The following ADAM15 variants were observed in gnomAD, a reference collection of about 807,000 sequenced individuals.
The protein encoded by ADAM15 is disintegrin and metalloproteinase domain-containing protein 15.
ADAM15 carries 77 observed loss-of-function variants against 113.8 expected under a neutral mutation model. The observed-to-expected ratio is 0.68, with a 90% CI of 0.56 to 0.82. The LOEUF (loss-of-function observed/expected upper bound fraction) is 0.82, where lower values mean the gene tolerates loss of function less well. Among genes scored for constraint, ADAM15 ranks in the 40% least tolerant of loss-of-function variants. ADAM15 has a pLI of 0.00. For missense variants in ADAM15, 963 were observed against 1,120.1 expected (o/e 0.86, Z 2.00); for synonymous variants, 388 against 454.1 (o/e 0.85, Z 1.85).
At chr1:155,060,687 C>A in intron 18 of ADAM15, 76 bp from the exon 19 acceptor site, 1 of 1,490,678 alleles carries the variant, frequency 6.7e-7, no homozygotes, top group Non-Finnish European at 9.3e-7. Flanking sequence ...GGGTTAACCC[C>A]ACTCAGGGAT....
Position 155,054,147 on chromosome 1 carries a change from CAGG to C in ADAM15, c.343_345del (p.Glu115del). 2 of 1,614,004 alleles carry C rather than the reference CAGG, an allele frequency of 1.2e-6. No homozygotes were observed. Among genetic ancestry groups the C allele is most frequent in the Non-Finnish European group, 1.7e-6 (2 of 1,179,972 alleles). ...CAGCACTAATGTTGTTCCCATGCTGCAGGAGAACTGCTGCTACCAGGGAAGAGT... is the reference window on the plus strand; with the variant it reads ...CAGCACTAATGTTGTTCCCATGCTGCAGAACTGCTGCTACCAGGGAAGAGT... On this transcript the variant is annotated splice_acceptor_variant and coding_sequence_variant, in exon 5 of 23. Coordinates refer to ENST00000356955, the MANE Select transcript of ADAM15 (RefSeq NM_207197.3). LOFTEE classifies it high-confidence loss of function.
intron 2 of ADAM15, among the ~76,000 whole-genome samples, 194 bp downstream of exon 2, chr1:155,052,971 C>A (rs1300917618): frequency 6.6e-6 from 1 of 152,188 alleles, no homozygotes; most frequent in Non-Finnish European, 1.5e-5. Context: ...TCTGCACACA[C>A]GTGTATCTGT....
chr1:155,051,421 TG>T lies in ADAM15; in HGVS notation c.38del (p.Gly13AlafsTer14). The T allele has an allele frequency of 6.4e-7, 1 of 1,565,014 alleles. No individual in the cohort carries two copies. The highest frequency in any genetic ancestry group is 8.6e-7 in the Non-Finnish European group (1 of 1,160,900). ...RLALLWALGL[L>X]GAGSPLPSWP... is the part of the protein sequence containing the mutation. ...GCGCTGCTCTGGGCCCTGGGGCTCC[TG>T]GGCGCGGGCAGCCCTCTGCCTTCCT... On this transcript the variant is annotated frameshift_variant, in exon 1 of 23. Transcript: ENST00000356955. LOFTEE classifies it high-confidence loss of function.
intron 1 of ADAM15, chr1:155,052,353 T>C: frequency 1.4e-6 from 1 of 720,734 alleles, no homozygotes; most frequent in Non-Finnish European, 2.2e-6. Context: ...GGGAGAGTGA[T>C]TGGGAGGGAG....
In ADAM15 at chr1:155,061,072, C is replaced by A. The variant is rs532344649; in HGVS notation, c.2277+240C>A. On this transcript the variant is annotated intron_variant, in intron 19 of 22. Transcript: ENST00000356955. ...GGAGCTGCTGGGCTCCGTCCGCTGG[C>A]CAAGAGGTGGCTTTGAGAGGTGGAT... is the stretch of plus-strand genomic sequence containing the variant. 9.3e-5 allele frequency: 54 copies of A among 583,328 alleles called. No homozygotes were observed. In the African/African-American group the frequency reaches 9.7e-4, roughly 10 times the overall value. The allele number at this position is 583,328 out of a possible 1,614,324, so 36.1% of individuals were successfully genotyped here.
Position 155,061,724 on chromosome 1 carries a change from C to T in ADAM15, c.2353-180C>T, listed in dbSNP as rs953168974. On this transcript the variant is annotated intron_variant, in intron 20 of 22. Coordinates refer to ENST00000356955, the MANE Select transcript of ADAM15 (RefSeq NM_207197.3). Reference sequence around the variant, plus strand: ...GCAGTCGGCCAGGGACTGCGGTTGACCTACACCTTCCTCCCCTGAGACATC... The same window carrying T: ...GCAGTCGGCCAGGGACTGCGGTTGATCTACACCTTCCTCCCCTGAGACATC... 9.8e-6 allele frequency: 8 copies of T among 817,696 alleles called. No homozygotes were observed. In the African/African-American group the frequency reaches 1.4e-4, roughly 14 times the overall value. 50.7% of individuals were successfully genotyped at this position (817,696 alleles called of 1,614,324 possible).
At chr1:155,059,614 G>A (rs1271277477) in intron 16 of ADAM15, among the ~76,000 whole-genome samples, 1 of 152,140 alleles carries the variant, frequency 6.6e-6, no homozygotes, top group Non-Finnish European at 1.5e-5. Context: ...GGGCAACAGA[G>A]TGAGACTCCA....
chr1:155,061,015 C>G (rs1662504009), intron 19 of ADAM15, 183 bp downstream of exon 19: 1 of 637,980 alleles, frequency 1.6e-6, no homozygotes, highest in African/African-American at 1.8e-5. Flanking sequence ...AAGCTGAGTC[C>G]AGAAGAGTGG....
chr1:155,057,859 G>T lies in ADAM15; in HGVS notation c.1425G>T (p.Pro475=), dbSNP rs142651689. Residue 475 remains proline, a synonymous_variant, in exon 14 of 23, where the codon CCG becomes CCT. Transcript: ENST00000356955. This position sits in a 1 kb window ranked among gnomAD's most constrained non-coding sequence, Gnocchi z 5.0. ...TCATCCACCCTCCACAGCTGCGCCC[G>T]TCTGGCTGGCAGTGTCGTCCTACCA... ...GPCCQNCQLR[P]SGWQCRPTRG... is the part of the protein sequence containing the mutation. The T allele has an allele frequency of 1.3e-5, 21 of 1,613,040 alleles. No homozygotes were observed. The African/African-American group carries it at 2.7e-4, about 21-fold the overall frequency.
chr1:155,057,659 A>G lies in ADAM15; in HGVS notation c.1346A>G (p.Asp449Gly). ...FLDDCVDPCCDSLTCQLRPGA... is the reference protein window; with the variant it reads ...FLDDCVDPCCGSLTCQLRPGA... ...CAGGACTGCGTCGATCCCTGCTGTG[A>G]TTCTTTGACCTGCCAGCTGAGGCCA... The change falls in exon 13 of 23, where the codon GAT (aspartate) becomes GGT (glycine). Residue 449 changes from aspartate to glycine, a missense_variant. Coordinates refer to ENST00000356955, the MANE Select transcript of ADAM15 (RefSeq NM_207197.3). This position sits in a 1 kb window ranked among gnomAD's most constrained non-coding sequence, Gnocchi z 5.0. 1 of 1,614,136 alleles carries G rather than the reference A, an allele frequency of 6.2e-7. No homozygotes were observed. The highest frequency in any genetic ancestry group is 8.5e-7 in the Non-Finnish European group (1 of 1,180,018).
rs183769891 is a variant in ADAM15, at chr1:155,058,778, T to C, written c.1986T>C (p.His662=). The change falls in exon 16 of 23, where the codon CAT becomes CAC. Residue 662 remains histidine (H), a synonymous_variant. Coordinates refer to ENST00000356955, the MANE Select transcript of ADAM15 (RefSeq NM_207197.3). This position sits in a 1 kb window ranked among gnomAD's most constrained non-coding sequence, Gnocchi z 4.3. ...LGAQECRSKC[H]GHGVCDSNRH... ...CACAGGAATGTCGAAGCAAATGCCA[T>C]GGACATGGGGTGAGCTGGGATGGGG... The C allele has an allele frequency of 5.6e-6, 9 of 1,612,838 alleles. No homozygotes were observed. In the East Asian group the frequency reaches 2.0e-4, roughly 36 times the overall value.
chr1:155,062,004 C>A lies in ADAM15; in HGVS notation c.2424+29C>A. 1.3e-6 allele frequency: 2 copies of A among 1,526,748 alleles called. No homozygotes were observed. Among genetic ancestry groups the A allele is most frequent in the South Asian group, 1.3e-5 (1 of 78,526 alleles). The allele number at this position is 1,526,748 out of a possible 1,614,324, so 94.6% of individuals were successfully genotyped here. On this transcript the variant is annotated intron_variant, in intron 21 of 22. Coordinates refer to ENST00000356955, the MANE Select transcript of ADAM15 (RefSeq NM_207197.3). This position sits in a 1 kb window ranked among gnomAD's most constrained non-coding sequence, Gnocchi z 7.0. ...ACGGTGGGGGGAGAGAAGGGCACGGCCTCTCCCCCCACCTAGGGCTGTGGT... is the reference window on the plus strand; with the variant it reads ...ACGGTGGGGGGAGAGAAGGGCACGGACTCTCCCCCCACCTAGGGCTGTGGT...
intron 16 of ADAM15, among the ~76,000 whole-genome samples, chr1:155,059,654 T>C (rs886899061): frequency 7.2e-5 from 11 of 151,888 alleles, no homozygotes; most frequent in Non-Finnish European, 1.5e-4. Context: ...TAAAATAAAA[T>C]AAAACAAAAC....
In ADAM15 at chr1:155,060,344, G is replaced by A; in HGVS notation, c.2207+1G>A. 6.2e-7 allele frequency: 1 copy of A among 1,613,734 alleles called. No homozygotes were observed. The highest frequency in any genetic ancestry group is 8.5e-7 in the Non-Finnish European group (1 of 1,179,722). ...TCAAGGGACCCACCTGCCAGTACAGGTATGAGCATCACCTCCCTGCTACCA... is the reference window on the plus strand; with the variant it reads ...TCAAGGGACCCACCTGCCAGTACAGATATGAGCATCACCTCCCTGCTACCA... On this transcript the variant is annotated splice_donor_variant, in intron 18 of 22. Coordinates refer to ENST00000356955, the MANE Select transcript of ADAM15 (RefSeq NM_207197.3). LOFTEE classifies it high-confidence loss of function.
At chr1:155,053,849 C>T in intron 3 of ADAM15, 61 bp from the exon 4 acceptor site, 3 of 1,578,638 alleles carry the variant, frequency 1.9e-6, no homozygotes, top group African/African-American at 2.7e-5. Flanking sequence ...CAAGCCTCTG[C>T]TTGTCAATGC....
At position 155,062,696 on chromosome 1, in the gene ADAM15, T is replaced by G; in HGVS notation, c.*194T>G. ...TTGCAGCGGGGGCTTGGGGAGGGGC[T>G]GGGGGTTGGACGGGATTGAGGAAGG... On this transcript the variant is annotated 3_prime_UTR_variant, in exon 23 of 23. Coordinates refer to ENST00000356955, the MANE Select transcript of ADAM15 (RefSeq NM_207197.3). This position sits in a 1 kb window ranked among gnomAD's most constrained non-coding sequence, Gnocchi z 7.0. 8.3e-6 allele frequency: 6 copies of G among 719,562 alleles called. No homozygotes were observed. The highest frequency in any genetic ancestry group is 2.8e-5 in the East Asian group (1 of 35,848). The allele number at this position is 719,562 out of a possible 1,614,324, so 44.6% of individuals were successfully genotyped here. A position where few individuals can be genotyped will look rare whatever the true frequency, so the allele number is the denominator to read the frequency against.
At chr1:155,054,569 G>C (rs1571601696) in intron 6 of ADAM15, 63 bp downstream of exon 6, 1 of 1,488,532 alleles carries the variant, frequency 6.7e-7, no homozygotes, top group East Asian at 2.3e-5. Flanking sequence ...CAGACACTTA[G>C]AGCTATGTGT....
At chr1:155,060,089 T>C (rs1662365496) in intron 17 of ADAM15, 115 bp downstream of exon 17, 1 of 1,571,024 alleles carries the variant, frequency 6.4e-7, no homozygotes, top group African/African-American at 1.3e-5. Flanking sequence ...CCTGAGTCTG[T>C]GCCCCTTGAA....
intron 19 of ADAM15, 72 bp downstream of exon 19, chr1:155,060,904 C>A: frequency 7.1e-7 from 1 of 1,417,256 alleles, no homozygotes; most frequent in Non-Finnish European, 9.8e-7. Flanking sequence ...GGGGGGTGCG[C>A]ATTAAAGGCT....
Sources: gnomAD v4.1 joint callset for allele counts (sites outside exome capture counted in the v4.1 genomes callset) on GRCh38, gnomAD v4.1.1 for gene constraint, Gnocchi (gnomAD v3.1) non-coding constraint, MANE v1.5 for transcripts, NCBI Gene and HGNC (gene_info 2026-07-23, HGNC 2026-07-21) for gene names.